The following CACNA1B variants were observed in gnomAD, a reference collection of about 807,000 sequenced individuals.
The protein encoded by CACNA1B is voltage-dependent N-type calcium channel subunit alpha-1B.
A neutral mutation model predicts 247.2 loss-of-function variants in CACNA1B; 70 were observed. The observed-to-expected ratio is 0.28, with a 90% CI of 0.23 to 0.35. CACNA1B has a LOEUF of 0.35. Ranked by LOEUF, CACNA1B falls within the 10% of genes least tolerant of loss-of-function variation. The pLI, the probability that CACNA1B is intolerant of heterozygous loss-of-function variation, is 1.00. For missense variants in CACNA1B, 2,367 were observed against 3,197.4 expected (o/e 0.74, Z 6.26); for synonymous variants, 1,231 against 1,294.4 (o/e 0.95, Z 1.05).
At chr9:138,079,407 A>G (rs1960439996) in intron 36 of CACNA1B, among the ~76,000 whole-genome samples, 1 of 152,100 alleles carries the variant, frequency 6.6e-6, no homozygotes, top group Non-Finnish European at 1.5e-5. Flanking sequence ...GTAACCAGCC[A>G]TGCACCATAT....
chr9:137,974,559 G>A lies in CACNA1B; in HGVS notation c.1544-1348G>A, dbSNP rs997837244. 6.6e-6 allele frequency among the ~76,000 whole-genome samples: 1 copy of A among 152,198 alleles called. No individual in the cohort carries two copies. The highest frequency in any genetic ancestry group is 2.4e-5 in the African/African-American group (1 of 41,444). On this transcript the variant is annotated intron_variant, in intron 11 of 46. Transcript: ENST00000371372. The surrounding 1 kb of genome is among the most constrained non-coding windows in gnomAD (Gnocchi z 4.5). Reference sequence around the variant, plus strand: ...GTCATCTCTGCTTATCCCAGGTCTGGGCTGCTGCAGACTTGCCCCCGACCG... The same window carrying A: ...GTCATCTCTGCTTATCCCAGGTCTGAGCTGCTGCAGACTTGCCCCCGACCG...
At chr9:137,885,210 G>A (rs1268909675) in intron 3 of CACNA1B, among the ~76,000 whole-genome samples, 6 of 151,584 alleles carry the variant, frequency 4.0e-5, no homozygotes, top group Admixed American at 2.0e-4. Flanking sequence ...AGGGAACCCC[G>A]GGTTGGAGGT....
chr9:138,065,774 C>T (rs975111816), intron 31 of CACNA1B, among the ~76,000 whole-genome samples: 12 of 152,224 alleles, frequency 7.9e-5, no homozygotes, highest in African/African-American at 2.7e-4. Context: ...ACCAGCTCTA[C>T]CATCCTTACA....
intron 42 of CACNA1B, among the ~76,000 whole-genome samples, chr9:138,116,079 AC>A (rs1961857658): frequency 1.3e-5 from 2 of 152,112 alleles, no homozygotes; most frequent in African/African-American, 4.8e-5. Context: ...CATTCCCAAC[AC>A]ACGCACCTGC....
chr9:138,101,686 C>T (rs749695725), intron 37 of CACNA1B, among the ~76,000 whole-genome samples: 7 of 152,226 alleles, frequency 4.6e-5, no homozygotes, highest in African/African-American at 9.6e-5. Flanking sequence ...AAAGACAAGC[C>T]GTCCTGCTTT....
intron 6 of CACNA1B, among the ~76,000 whole-genome samples, chr9:137,930,997 T>C (rs1191759907): frequency 6.6e-6 from 1 of 152,148 alleles, no homozygotes; most frequent in Non-Finnish European, 1.5e-5. Context: ...GGATGGAGTT[T>C]AGTGGTGTGA....
At position 137,891,703 on chromosome 9, in the gene CACNA1B, C is replaced by G. The variant is rs971084334; in HGVS notation, c.530+8820C>G. 5 of 253,708 alleles carry G rather than the reference C, an allele frequency of 2.0e-5. No individual in the cohort carries two copies. Among genetic ancestry groups the G allele is most frequent in the African/African-American group, 9.1e-5 (4 of 43,876 alleles). The allele number at this position is 253,708 out of a possible 1,614,324, so 15.7% of individuals were successfully genotyped here. A position where few individuals can be genotyped will look rare whatever the true frequency, so the allele number is the denominator to read the frequency against. On this transcript the variant is annotated intron_variant, in intron 3 of 46. Transcript: ENST00000371372. The surrounding 1 kb of genome is among the most constrained non-coding windows in gnomAD (Gnocchi z 4.3). The stretch of plus-strand genomic sequence containing the variant: ...GGATGGTTGCTAATGGCTTCTCGGG[C>G]CCTGGACTAGAAGAGGTGAGAAGGC...
Position 138,122,061 on chromosome 9 carries a change from A to G in CACNA1B, c.*62A>G. 1 of 1,441,856 alleles carries G rather than the reference A, an allele frequency of 6.9e-7. No homozygotes were observed. The highest frequency in any genetic ancestry group is 9.3e-7 in the Non-Finnish European group (1 of 1,072,596). The allele number at this position is 1,441,856 out of a possible 1,614,324, so 89.3% of individuals were successfully genotyped here. ...GCGTGTGTTCCAGTGGATGAGTTTT[A>G]TCATCCACACGGGGCAGCCGGCCCT... On this transcript the variant is annotated 3_prime_UTR_variant, in exon 47 of 47. Transcript: ENST00000371372.
In CACNA1B at chr9:137,955,368, C is replaced by G. The variant is rs1392783606; in HGVS notation, c.1071-330C>G. On this transcript the variant is annotated intron_variant, in intron 7 of 46. Coordinates refer to ENST00000371372, the MANE Select transcript of CACNA1B (RefSeq NM_000718.4). The surrounding 1 kb of genome is among the most constrained non-coding windows in gnomAD (Gnocchi z 6.9). Reference sequence around the variant, plus strand: ...AGGCGCATGCCTAGGTTGCTGTAGGCAGGGGCTGTGAAATTGTCCCTGCTC... The same window carrying G: ...AGGCGCATGCCTAGGTTGCTGTAGGGAGGGGCTGTGAAATTGTCCCTGCTC... Among the ~76,000 whole-genome samples the G allele has an allele frequency of 1.3e-5, 2 of 152,216 alleles. No homozygotes were observed. Among genetic ancestry groups the G allele is most frequent in the East Asian group, 3.9e-4 (2 of 5,182 alleles).
Position 138,122,027 on chromosome 9 carries a change from A to G in CACNA1B, c.*28A>G, listed in dbSNP as rs200341283. On this transcript the variant is annotated 3_prime_UTR_variant, in exon 47 of 47. Coordinates refer to ENST00000371372, the MANE Select transcript of CACNA1B (RefSeq NM_000718.4). ...GCACCGTGACCGCTCAGACGCCTGC[A>G]TGCAGCAGGCGTGTGTTCCAGTGGA... The G allele has an allele frequency of 6.4e-6, 10 of 1,561,996 alleles. No homozygotes were observed. The African/African-American group carries it at 8.1e-5, about 13-fold the overall frequency.
intron 1 of CACNA1B, among the ~76,000 whole-genome samples, chr9:137,878,657 T>C (rs1956870724): frequency 6.6e-6 from 1 of 152,130 alleles, no homozygotes; most frequent in Non-Finnish European, 1.5e-5. Context: ...TTCACGTGCC[T>C]GTGTAGGTAC....
At chr9:138,067,655 C>T (rs1334642519) in intron 31 of CACNA1B, among the ~76,000 whole-genome samples, 13 of 152,196 alleles carry the variant, frequency 8.5e-5, no homozygotes, top group Non-Finnish European at 1.9e-4. Flanking sequence ...GCCAAGATTG[C>T]GCCACTGCAT....
chr9:137,923,891 G>T (rs965451894), intron 6 of CACNA1B, among the ~76,000 whole-genome samples: 1 of 152,196 alleles, frequency 6.6e-6, no homozygotes, highest in Non-Finnish European at 1.5e-5. Flanking sequence ...CTAACAGTGA[G>T]TGGTGTTGAG....
chr9:137,914,935 G>C lies in CACNA1B; in HGVS notation c.775+129G>C. 1 of 916,332 alleles carries C rather than the reference G, an allele frequency of 1.1e-6. No homozygotes were observed. Among genetic ancestry groups the C allele is most frequent in the East Asian group, 2.7e-5 (1 of 36,994 alleles). 56.8% of individuals were successfully genotyped at this position (916,332 alleles called of 1,614,324 possible). On this transcript the variant is annotated intron_variant, in intron 5 of 46. Coordinates refer to ENST00000371372, the MANE Select transcript of CACNA1B (RefSeq NM_000718.4). This position sits in a 1 kb window ranked among gnomAD's most constrained non-coding sequence, Gnocchi z 4.3. ...TACATGAGGTGGAGCTGACATTCTA[G>C]TGGGGGACATAGACGATAGCCTGAT...
chr9:138,000,274 A>AT (rs1414520453), intron 15 of CACNA1B, among the ~76,000 whole-genome samples: 1 of 151,786 alleles, frequency 6.6e-6, no homozygotes, highest in Non-Finnish European at 1.5e-5. Context: ...AATTTTTTGT[A>AT]TTTTTAGTAG....
chr9:138,083,729 G>A (rs1383971825), intron 36 of CACNA1B, among the ~76,000 whole-genome samples: 2 of 150,616 alleles, frequency 1.3e-5, no homozygotes, highest in South Asian at 2.1e-4. Context: ...CTGCTTTCCT[G>A]GAGCTAGACT....
At chr9:138,078,298 T>C (rs1318195952) in intron 36 of CACNA1B, 40 bp downstream of exon 36, 1 of 1,603,964 alleles carries the variant, frequency 6.2e-7, no homozygotes, top group Admixed American at 1.7e-5. Context: ...TGCCACGTCT[T>C]GTCTCGGTAC....
At position 137,995,346 on chromosome 9, in the gene CACNA1B, A is replaced by G. The variant is rs141882113; in HGVS notation, c.1974+8492A>G. ...GGTATAAAAATAGGTACATAGACCA[A>G]TGGAAAAGAATAGAGAACCCAGAAA... On this transcript the variant is annotated intron_variant, in intron 15 of 46. Coordinates refer to ENST00000371372, the MANE Select transcript of CACNA1B (RefSeq NM_000718.4). Among the ~76,000 whole-genome samples, 541 of 152,340 alleles carry G rather than the reference A, an allele frequency of 3.6e-3. 2 individuals carry two copies. Among genetic ancestry groups the G allele is most frequent in the African/African-American group, 0.012 (486 of 41,578 alleles).
At chr9:137,921,734 A>C (rs145505628) in intron 6 of CACNA1B, among the ~76,000 whole-genome samples, 3,419 of 145,586 alleles carry the variant, frequency 0.023, 29 homozygotes, top group South Asian at 0.04. Context: ...CTGGGAGCAG[A>C]GTAAAGCGTT....
Sources: gnomAD v4.1 joint callset for allele counts (sites outside exome capture counted in the v4.1 genomes callset) on GRCh38, gnomAD v4.1.1 for gene constraint, Gnocchi (gnomAD v3.1) non-coding constraint, MANE v1.5 for transcripts, NCBI Gene and HGNC (gene_info 2026-07-23, HGNC 2026-07-21) for gene names.